The following VEGFC variants were observed in gnomAD, a reference collection of about 807,000 sequenced individuals.
The protein encoded by VEGFC is vascular endothelial growth factor C.
A neutral mutation model predicts 46.1 loss-of-function variants in VEGFC; 12 were observed. That is an observed-to-expected ratio of 0.26 (90% CI 0.17 to 0.42). VEGFC has a LOEUF of 0.42. VEGFC is among the 10% of genes least tolerant of loss of function. The pLI is 1.00. For missense variants in VEGFC, 488 were observed against 529.4 expected (o/e 0.92, Z 0.77); for synonymous variants, 232 against 195.5 (o/e 1.19, Z -1.56).
At chr4:176,759,565 T>C (rs1173352075) in intron 1 of VEGFC, among the ~76,000 whole-genome samples, 2 of 152,074 alleles carry the variant, frequency 1.3e-5, no homozygotes, top group East Asian at 3.9e-4. Flanking sequence ...ATGGTGACTA[T>C]GGTAAATAAT....
At chr4:176,780,617 C>T (rs1460606974) in intron 1 of VEGFC, among the ~76,000 whole-genome samples, 1 of 151,988 alleles carries the variant, frequency 6.6e-6, no homozygotes, top group East Asian at 1.9e-4. Context: ...CTCCTCCTTC[C>T]CAACACATTG....
At chr4:176,758,428 A>G (rs1735470143) in intron 1 of VEGFC, among the ~76,000 whole-genome samples, 2 of 152,130 alleles carry the variant, frequency 1.3e-5, no homozygotes, top group South Asian at 4.1e-4. Context: ...ATGAACAAGT[A>G]CCAAGCATCA....
intron 1 of VEGFC, among the ~76,000 whole-genome samples, chr4:176,781,632 A>G (rs1046423365): frequency 5.3e-5 from 8 of 152,184 alleles, no homozygotes; most frequent in African/African-American, 1.9e-4. Context: ...ACTTCAGTTA[A>G]AACAGAGTAG....
chr4:176,684,122 T>C, intron 6 of VEGFC, 82 bp from the exon 7 acceptor site: 1 of 1,024,880 alleles, frequency 9.8e-7, no homozygotes, highest in Non-Finnish European at 1.5e-6. Flanking sequence ...TCTGTGTTTT[T>C]AAATTTCAGA....
chr4:176,770,019 C>G (rs1471920937), intron 1 of VEGFC, among the ~76,000 whole-genome samples: 1 of 152,082 alleles, frequency 6.6e-6, no homozygotes, highest in East Asian at 1.9e-4. Context: ...AGACATATTC[C>G]TATAATGCTT....
chr4:176,755,949 A>G (rs1204567503), intron 1 of VEGFC, among the ~76,000 whole-genome samples: 2 of 151,990 alleles, frequency 1.3e-5, no homozygotes, highest in Non-Finnish European at 2.9e-5. Flanking sequence ...TATGCCAGAG[A>G]TTATTTTATA....
At chr4:176,746,120 C>A (rs1735254603) in intron 1 of VEGFC, among the ~76,000 whole-genome samples, 1 of 151,924 alleles carries the variant, frequency 6.6e-6, no homozygotes. Context: ...TTATTAGTCA[C>A]CATTTGTTTT....
At chr4:176,753,749 T>C (rs139060301) in intron 1 of VEGFC, among the ~76,000 whole-genome samples, 4 of 151,828 alleles carry the variant, frequency 2.6e-5, no homozygotes, top group Non-Finnish European at 4.4e-5. Flanking sequence ...TCTCAATTAA[T>C]AGTCAATCTT....
At chr4:176,728,041 A>C in intron 2 of VEGFC, 73 bp from the exon 3 acceptor site, 1 of 1,233,092 alleles carries the variant, frequency 8.1e-7, no homozygotes, top group Non-Finnish European at 1.1e-6. Context: ...GCAGCTGCAA[A>C]TCACTCACAT....
intron 3 of VEGFC, among the ~76,000 whole-genome samples, chr4:176,713,466 A>G (rs1326976607): frequency 1.3e-5 from 2 of 152,106 alleles, no homozygotes; most frequent in African/African-American, 2.4e-5. Context: ...GCAATTTTTA[A>G]TAAATTTATA....
At chr4:176,707,632 A>G (rs2110995146) in intron 4 of VEGFC, among the ~76,000 whole-genome samples, 1 of 152,290 alleles carries the variant, frequency 6.6e-6, no homozygotes, top group Middle Eastern at 3.4e-3. Context: ...TAAAATCTTA[A>G]TATCTCAATG....
At chr4:176,784,760 A>T (rs1735973868) in intron 1 of VEGFC, among the ~76,000 whole-genome samples, 1 of 141,494 alleles carries the variant, frequency 7.1e-6, no homozygotes, top group Non-Finnish European at 1.5e-5. Context: ...CTGTCTCAAA[A>T]AAAAAAAAAA....
intron 1 of VEGFC, among the ~76,000 whole-genome samples, chr4:176,748,313 A>G (rs571087963): frequency 2.0e-5 from 3 of 152,246 alleles, no homozygotes; most frequent in African/African-American, 7.2e-5. Flanking sequence ...CAGAGATATC[A>G]ATCCAAATTT....
At chr4:176,744,403 T>A (rs1323409375) in intron 1 of VEGFC, among the ~76,000 whole-genome samples, 13 of 152,062 alleles carry the variant, frequency 8.5e-5, no homozygotes, top group Non-Finnish European at 1.9e-4. Context: ...CAGGGCTAAC[T>A]TTTCCTTCTG....
chr4:176,749,302 A>G (rs1425344270), intron 1 of VEGFC, among the ~76,000 whole-genome samples: 1 of 151,986 alleles, frequency 6.6e-6, no homozygotes, highest in African/African-American at 2.4e-5. Flanking sequence ...TGAACCAACT[A>G]TTAAACTTCT....
intron 1 of VEGFC, among the ~76,000 whole-genome samples, chr4:176,781,181 T>C (rs1343567919): frequency 6.6e-6 from 1 of 152,218 alleles, no homozygotes. Flanking sequence ...TAATTTGGCA[T>C]GGACAGACAC....
intron 3 of VEGFC, among the ~76,000 whole-genome samples, chr4:176,714,161 G>GA (rs1342410721): frequency 9.2e-5 from 14 of 152,344 alleles, no homozygotes; most frequent in Middle Eastern, 3.4e-3. Context: ...CCCAATGTTA[G>GA]AGGTGGGAGC....
chr4:176,750,237 C>T (rs1002123385), intron 1 of VEGFC, among the ~76,000 whole-genome samples: 1 of 151,660 alleles, frequency 6.6e-6, no homozygotes, highest in Non-Finnish European at 1.5e-5. Flanking sequence ...TAAATGAAGA[C>T]CACAGCCCTT....
chr4:176,768,291 A>C (rs1209853638), intron 1 of VEGFC, among the ~76,000 whole-genome samples: 1 of 151,960 alleles, frequency 6.6e-6, no homozygotes, highest in Non-Finnish European at 1.5e-5. Flanking sequence ...AATCACTAAG[A>C]GAGTGAATAG....
Sources: allele counts gnomAD v4.1 joint callset (sites outside exome capture counted in the v4.1 genomes callset), GRCh38; gene constraint gnomAD v4.1.1; transcripts MANE v1.5; gene names NCBI Gene and HGNC (gene_info 2026-07-23, HGNC 2026-07-21).